RABGAP1L: variants seen among roughly 807,000 people sequenced by gnomAD.
RABGAP1L encodes RAB GTPase activating protein 1 like.
A neutral mutation model predicts 137.7 loss-of-function variants in RABGAP1L; 63 were observed. The observed-to-expected ratio is 0.46, with a 90% confidence interval of 0.37 to 0.56. The LOEUF (loss-of-function observed/expected upper bound fraction) is 0.56. RABGAP1L is among the 20% of genes least tolerant of loss of function. The probability of loss-of-function intolerance (pLI) is 0.00; values close to 1 mark genes in which losing one functional copy is unlikely to be tolerated. For missense variants in RABGAP1L, 1,095 were observed against 1,244.0 expected (o/e 0.88, Z 1.80); for synonymous variants, 431 against 433.7 (o/e 0.99, Z 0.08).
intron 7 of RABGAP1L, among the ~76,000 whole-genome samples, chr1:174,266,272 G>A (rs934115717): frequency 6.6e-6 from 1 of 152,132 alleles, no homozygotes; most frequent in African/African-American, 2.4e-5. Flanking sequence ...TCACAATAAT[G>A]CTTAATAAAT....
chr1:174,596,595 T>G (rs1022854556), intron 13 of RABGAP1L, among the ~76,000 whole-genome samples: 4 of 152,242 alleles, frequency 2.6e-5, no homozygotes, highest in Non-Finnish European at 4.4e-5. Context: ...AATTTACTTC[T>G]CAGTTCTAAT....
intron 11 of RABGAP1L, among the ~76,000 whole-genome samples, chr1:174,348,377 T>TA (rs1040892488): frequency 6.6e-6 from 1 of 150,704 alleles, no homozygotes; most frequent in African/African-American, 2.4e-5. Context: ...AGAAAACTAA[T>TA]AAAAAATCCA....
rs536699028 is a variant in RABGAP1L, at chr1:174,975,934, G to A, written c.2545-144G>A. ...TTGGCATTCAGTGAAAGCAGCCATCGCTTGGTTGAGCTAGGAGGGAAAATA... is the reference window on the plus strand; with the variant it reads ...TTGGCATTCAGTGAAAGCAGCCATCACTTGGTTGAGCTAGGAGGGAAAATA... On this transcript the variant is annotated intron_variant, in intron 21 of 25. Coordinates refer to ENST00000681986, the MANE Select transcript of RABGAP1L (RefSeq NM_001366446.1). 6.9e-4 allele frequency: 466 copies of A among 671,592 alleles called. 3 individuals are homozygous for A. The highest frequency in any genetic ancestry group is 9.4e-4 in the Non-Finnish European group (365 of 390,174). The allele number at this position is 671,592 out of a possible 1,614,324, so 41.6% of individuals were successfully genotyped here.
intron 13 of RABGAP1L, among the ~76,000 whole-genome samples, chr1:174,451,166 A>G (rs1437755076): frequency 6.6e-6 from 1 of 152,210 alleles, no homozygotes; most frequent in African/African-American, 2.4e-5. Context: ...TGCCAGTGGC[A>G]TCTTGGTTTA....
At chr1:174,715,565 AC>A (rs888964712) in intron 17 of RABGAP1L, among the ~76,000 whole-genome samples, 2 of 152,210 alleles carry the variant, frequency 1.3e-5, no homozygotes, top group Non-Finnish European at 2.9e-5. Flanking sequence ...CCTTCTCCAA[AC>A]AGACTGCAGC....
chr1:174,226,298 C>T (rs527728633), intron 3 of RABGAP1L, among the ~76,000 whole-genome samples: 12 of 152,300 alleles, frequency 7.9e-5, no homozygotes, highest in South Asian at 6.2e-4. Context: ...TGGTGGCTCA[C>T]GCCTGTAATC....
At chr1:174,933,114 A>C (rs556215892) in intron 19 of RABGAP1L, among the ~76,000 whole-genome samples, 1 of 152,266 alleles carries the variant, frequency 6.6e-6, no homozygotes, top group Non-Finnish European at 1.5e-5. Flanking sequence ...ATACATACAT[A>C]CATTTATACA....
intron 24 of RABGAP1L, among the ~76,000 whole-genome samples, chr1:174,987,900 C>T (rs902739102): frequency 3.3e-5 from 5 of 152,166 alleles, no homozygotes; most frequent in African/African-American, 1.2e-4. Flanking sequence ...AGCTCCGCCT[C>T]CCGGGTTCAA....
At chr1:174,311,763 T>C (rs1249678969) in intron 11 of RABGAP1L, among the ~76,000 whole-genome samples, 2 of 152,162 alleles carry the variant, frequency 1.3e-5, no homozygotes, top group African/African-American at 4.8e-5. Flanking sequence ...TCCAGCACCA[T>C]GCCTGGCTAA....
chr1:174,956,115 C>T (rs1668487142), intron 19 of RABGAP1L, among the ~76,000 whole-genome samples: 1 of 152,166 alleles, frequency 6.6e-6, no homozygotes, highest in African/African-American at 2.4e-5. Flanking sequence ...TCTGTTAACT[C>T]ATTTAATTCT....
intron 1 of RABGAP1L, among the ~76,000 whole-genome samples, chr1:174,216,663 G>C (rs1202349870): frequency 1.4e-5 from 2 of 139,886 alleles, no homozygotes; most frequent in Non-Finnish European, 3.1e-5. Flanking sequence ...CCACATTTTT[G>C]ACCTATATAA....
chr1:174,817,048 GTTTTGT>G (rs1368497984), intron 19 of RABGAP1L, among the ~76,000 whole-genome samples: 3 of 151,344 alleles, frequency 2.0e-5, no homozygotes, highest in Non-Finnish European at 4.4e-5. Context: ...TTTTTGTTTT[GTTTTGT>G]TTTTAAGTTG....
At chr1:174,436,237 T>A (rs2149213048) in intron 13 of RABGAP1L, among the ~76,000 whole-genome samples, 1 of 152,334 alleles carries the variant, frequency 6.6e-6, no homozygotes, top group Non-Finnish European at 1.5e-5. Flanking sequence ...CCACACTGAC[T>A]TCCACAATGG....
intron 19 of RABGAP1L, among the ~76,000 whole-genome samples, chr1:174,883,289 T>C (rs781240461): frequency 1.3e-5 from 2 of 152,226 alleles, no homozygotes; most frequent in Non-Finnish European, 2.9e-5. Flanking sequence ...AGAGCACTTG[T>C]AAAGTATTTA....
chr1:174,772,425 A>G (rs1270310424), intron 18 of RABGAP1L, among the ~76,000 whole-genome samples: 2 of 151,410 alleles, frequency 1.3e-5, no homozygotes, highest in African/African-American at 4.9e-5. Context: ...TAAAAATACA[A>G]AATTAGCGGG....
At chr1:174,677,454 G>C (rs1677726251) in intron 14 of RABGAP1L, among the ~76,000 whole-genome samples, 1 of 152,196 alleles carries the variant, frequency 6.6e-6, no homozygotes, top group Non-Finnish European at 1.5e-5. Context: ...GAATTATCTA[G>C]TTAATTTCAT....
intron 12 of RABGAP1L, among the ~76,000 whole-genome samples, chr1:174,387,739 AT>A (rs966333317): frequency 6.6e-6 from 1 of 151,920 alleles, no homozygotes; most frequent in East Asian, 1.9e-4. Context: ...TTCAGTGTAC[AT>A]TTTTTTCAGA....
At chr1:174,429,774 C>T (rs981420567) in intron 13 of RABGAP1L, among the ~76,000 whole-genome samples, 2 of 131,076 alleles carry the variant, frequency 1.5e-5, no homozygotes, top group Non-Finnish European at 3.2e-5. Context: ...TAAAGATAAA[C>T]CAGTGGATTT....
intron 13 of RABGAP1L, among the ~76,000 whole-genome samples, chr1:174,556,880 C>G (rs1666914442): frequency 6.6e-6 from 1 of 152,300 alleles, no homozygotes; most frequent in East Asian, 1.9e-4. Flanking sequence ...ATTCACATCT[C>G]TGAATTCTTC....
Sources: gnomAD v4.1 joint callset for allele counts (sites outside exome capture counted in the v4.1 genomes callset) on GRCh38, gnomAD v4.1.1 for gene constraint, MANE v1.5 for transcripts, NCBI Gene and HGNC (gene_info 2026-07-23, HGNC 2026-07-21) for gene names.